Variants in NUP107 observed in about 807,000 individuals in gnomAD.
The protein encoded by NUP107 is nuclear pore complex protein Nup107.
NUP107 carries 101 observed loss-of-function variants against 141.0 expected under a neutral mutation model. The ratio of observed to expected loss-of-function variants is 0.72; its 90% CI spans 0.61 to 0.84. The LOEUF (loss-of-function observed/expected upper bound fraction) is 0.84, where lower values mean the gene tolerates loss of function less well. NUP107 is among the 40% of genes least tolerant of loss of function. The pLI is 0.00. For synonymous variants in NUP107, 319 were observed against 363.9 expected (o/e 0.88, Z 1.41); for missense variants, 941 against 1,102.7 (o/e 0.85, Z 2.08).
intron 5 of NUP107, among the ~76,000 whole-genome samples, chr12:68,696,598 A>G (rs1417007869): frequency 6.6e-6 from 1 of 151,846 alleles, no homozygotes; most frequent in Non-Finnish European, 1.5e-5. Flanking sequence ...CTGTAATCCC[A>G]GCTAGTTGGG....
intron 5 of NUP107, among the ~76,000 whole-genome samples, chr12:68,692,874 A>G (rs992459914): frequency 1.1e-4 from 16 of 146,354 alleles, no homozygotes; most frequent in Admixed American, 2.1e-4. Context: ...CTCAGTCTCC[A>G]GAGTAGCTGG....
chr12:68,740,238 C>G (rs1024597917), intron 26 of NUP107: 2 of 152,174 alleles, frequency 1.3e-5, no homozygotes, highest in African/African-American at 4.8e-5. Flanking sequence ...TACATTGGAG[C>G]ACAAATGGAA....
At chr12:68,726,424 A>G in intron 18 of NUP107, 75 bp from the exon 19 acceptor site, 1 of 935,690 alleles carries the variant, frequency 1.1e-6, no homozygotes, top group Non-Finnish European at 1.7e-6. Flanking sequence ...GAGTGAAATA[A>G]ATGTTCTTGG....
chr12:68,692,201 G>GTT (rs1875832260), intron 5 of NUP107, 89 bp downstream of exon 5: 1 of 1,282,850 alleles, frequency 7.8e-7, no homozygotes, highest in South Asian at 1.7e-5. Context: ...ACGTCATTAT[G>GTT]TTTTTCTTTT....
rs771668965 is a variant in NUP107 at position 68,741,373 on chromosome 12, CAAAGT to C, written c.2503-438_2503-434del. On this transcript the variant is annotated intron_variant, in intron 26 of 27. Transcript: ENST00000229179. ...AAATTCCATTTTCCATGTGTATAAG[CAAAGT>C]AGTCTGCAATGAAGTTGACCCTCCC... 4.6e-5 allele frequency among the ~76,000 whole-genome samples: 7 copies of C among 152,140 alleles called. No individual in the cohort carries two copies. The East Asian group carries it at 1.2e-3, about 25-fold the overall frequency.
rs1177726381 is a variant in NUP107 at position 68,734,784 on chromosome 12, C to T, written c.2339C>T (p.Pro780Leu). 4.3e-6 allele frequency: 7 copies of T among 1,613,192 alleles called. No homozygotes were observed. In the Admixed American group the frequency reaches 8.3e-5, roughly 19 times the overall value. ...VPQKPALIPQ[P>L]TFTEKVAHEH... ...CAAAAACCTGCTTTGATACCTCAAC[C>T]AACTTTTACTGAGAAAGTGGCTCAT... Residue 780 changes from proline to leucine, a missense_variant, in exon 25 of 28, where the codon CCA (proline) becomes CTA (leucine). Physicochemically the swap from Pro to Leu is moderately conservative, Grantham distance 98. Coordinates refer to ENST00000229179, the MANE Select transcript of NUP107 (RefSeq NM_020401.4).
intron 12 of NUP107, among the ~76,000 whole-genome samples, chr12:68,717,428 A>G (rs1044393961): frequency 6.6e-6 from 1 of 152,150 alleles, no homozygotes. Flanking sequence ...CATACCATGT[A>G]ATTCACCCAT....
At chr12:68,726,355 A>G (rs1877562742) in intron 18 of NUP107, 144 bp from the exon 19 acceptor site, 4 of 558,648 alleles carry the variant, frequency 7.2e-6, no homozygotes, top group Non-Finnish European at 1.3e-5. Flanking sequence ...TGTTTCAAAG[A>G]GGGTGTAGAG....
intron 1 of NUP107, among the ~76,000 whole-genome samples, chr12:68,688,623 A>G (rs570033004): frequency 3.3e-5 from 5 of 152,348 alleles, no homozygotes; most frequent in East Asian, 1.9e-4. Flanking sequence ...TAACTCCTCA[A>G]TCCAACAAGG....
chr12:68,690,946 G>A (rs1040969136), intron 4 of NUP107, among the ~76,000 whole-genome samples, 200 bp downstream of exon 4: 4 of 152,158 alleles, frequency 2.6e-5, no homozygotes, highest in East Asian at 3.9e-4. Context: ...TGGGAGTGGT[G>A]GCTTATGCCT....
chr12:68,723,631 T>C (rs1005573735), intron 17 of NUP107, among the ~76,000 whole-genome samples: 2 of 152,120 alleles, frequency 1.3e-5, no homozygotes, highest in African/African-American at 4.8e-5. Flanking sequence ...GAAAAATAAT[T>C]TATTACCTGG....
chr12:68,707,116 C>A, intron 8 of NUP107: 1 of 561,490 alleles, frequency 1.8e-6, no homozygotes, highest in Non-Finnish European at 3.2e-6. Context: ...TGCGGCTGCC[C>A]CAGAGAGGCT....
rs1416551600 is a variant in NUP107, at chr12:68,700,864, C to T, written c.680+11C>T. The T allele has an allele frequency of 1.3e-6, 2 of 1,564,300 alleles. No individual in the cohort carries two copies. Among genetic ancestry groups the T allele is most frequent in the Admixed American group, 2.2e-5 (1 of 45,986 alleles). ...GGCTTCTTTGTATAGGTAATGGCGT[C>T]TAGAATTCATAAGTGAAATAAACAT... On this transcript the variant is annotated intron_variant, in intron 7 of 27. Coordinates refer to ENST00000229179, the MANE Select transcript of NUP107 (RefSeq NM_020401.4).
At chr12:68,691,856 AG>A in intron 4 of NUP107, 111 bp from the exon 5 acceptor site, 3 of 824,326 alleles carry the variant, frequency 3.6e-6, no homozygotes, top group South Asian at 2.4e-5. Context: ...AAAAAAAAAA[AG>A]ACGCATACAT....
intron 11 of NUP107, chr12:68,714,067 C>A: frequency 2.6e-6 from 1 of 382,360 alleles, no homozygotes; most frequent in Non-Finnish European, 4.6e-6. Context: ...TTGGTCTTAT[C>A]TTAAGATTTG....
chr12:68,713,904 T>A, intron 11 of NUP107, 96 bp downstream of exon 11: 1 of 945,550 alleles, frequency 1.1e-6, no homozygotes, highest in Non-Finnish European at 1.7e-6. Flanking sequence ...TTTGCTCTTC[T>A]AAAGGTTTGC....
chr12:68,710,732 T>A (rs985921523), intron 10 of NUP107, among the ~76,000 whole-genome samples: 11 of 151,970 alleles, frequency 7.2e-5, no homozygotes, highest in Non-Finnish European at 1.5e-4. Flanking sequence ...AATACAAATT[T>A]AAAAATATAG....
chr12:68,692,074 G>C lies in NUP107; in HGVS notation c.410G>C (p.Ser137Thr). 1 of 1,609,832 alleles carries C rather than the reference G, an allele frequency of 6.2e-7. No homozygotes were observed. The highest frequency in any genetic ancestry group is 8.5e-7 in the Non-Finnish European group (1 of 1,178,704). The change falls in exon 5 of 28, where the codon AGT becomes ACT. Residue 137 changes from serine to threonine, a missense_variant. Transcript: ENST00000229179. ...AGTATAACAGAAGATGTAACTATCA[G>C]TGCTGTTATGTTACGTGAGGATGAT... Reference protein sequence around the residue: ...PHSITEDVTISAVMLREDDPG... With the variant: ...PHSITEDVTITAVMLREDDPG...
chr12:68,732,169 G>C (rs1877858479), intron 22 of NUP107, among the ~76,000 whole-genome samples: 1 of 152,106 alleles, frequency 6.6e-6, no homozygotes, highest in African/African-American at 2.4e-5. Context: ...ACAAGGTCTA[G>C]CTCTGTTACC....
Sources: allele counts gnomAD v4.1 joint callset (sites outside exome capture counted in the v4.1 genomes callset), GRCh38; gene constraint gnomAD v4.1.1; transcripts MANE v1.5; gene names NCBI Gene and HGNC (gene_info 2026-07-23, HGNC 2026-07-21).